The following AP4E1 variants were observed in gnomAD, a reference collection of about 807,000 sequenced individuals.
AP4E1 encodes AP-4 complex subunit epsilon-1.
In AP4E1, 56 loss-of-function variants were observed where a neutral mutation model predicts 128.2. The observed-to-expected ratio is 0.44, with a 90% CI of 0.35 to 0.55. AP4E1 has a LOEUF of 0.55. AP4E1 is among the 20% of genes least tolerant of loss of function. AP4E1 has a pLI of 0.00. For synonymous variants in AP4E1, 484 were observed against 473.1 expected, an observed-to-expected ratio of 1.02 and a Z score of -0.30; for missense variants, 1,324 against 1,307.7, an observed-to-expected ratio of 1.01 and a Z score of -0.19.
At position 50,949,938 on chromosome 15, in the gene AP4E1, G is replaced by C; in HGVS notation, c.1429G>C (p.Gly477Arg). ...PNNFLRLLAE[G>R]FDDETEDQQL... ...TAACTTTCTGAGACTACTAGCGGAAGGTTGGTACACTATTATATTCTGTAA... is the reference window on the plus strand; with the variant it reads ...TAACTTTCTGAGACTACTAGCGGAACGTTGGTACACTATTATATTCTGTAA... Residue 477 changes from glycine to arginine, a missense_variant and splice_region_variant, in exon 12 of 21, where the codon GGT becomes CGT. Physicochemically the swap from Gly to Arg is moderately radical, Grantham distance 125 (BLOSUM62 -2). Transcript: ENST00000261842. The C allele has an allele frequency of 6.2e-7, 1 of 1,608,354 alleles. No individual in the cohort carries two copies. Among genetic ancestry groups the C allele is most frequent in the Non-Finnish European group, 8.5e-7 (1 of 1,174,904 alleles).
intron 14 of AP4E1, among the ~76,000 whole-genome samples, chr15:50,964,533 C>CT (rs1208127836): frequency 6.7e-6 from 1 of 149,528 alleles, no homozygotes; most frequent in East Asian, 2.0e-4. Flanking sequence ...GGTTTTGTTT[C>CT]TTTGCTTTTT....
chr15:50,967,747 T>C (rs900056723), intron 14 of AP4E1, among the ~76,000 whole-genome samples: 4 of 152,220 alleles, frequency 2.6e-5, no homozygotes, highest in Non-Finnish European at 5.9e-5. Flanking sequence ...TGATTTATAT[T>C]GTTAGATTCT....
At chr15:50,968,402 A>G (rs778350164) in intron 15 of AP4E1, 25 bp downstream of exon 15, 2 of 1,524,896 alleles carry the variant, frequency 1.3e-6, no homozygotes, top group Admixed American at 1.7e-5. Flanking sequence ...ATTTATGATA[A>G]GCTAGAGTGT....
chr15:50,948,503 G>A (rs8029155), intron 11 of AP4E1, among the ~76,000 whole-genome samples: 64,832 of 151,858 alleles, frequency 0.43, 14,107 homozygotes, highest in East Asian at 0.59. Context: ...TTTGGGGAAA[G>A]TGGAGGGTGT....
At chr15:50,963,559 G>A (rs1034514046) in intron 14 of AP4E1, among the ~76,000 whole-genome samples, 5 of 152,184 alleles carry the variant, frequency 3.3e-5, no homozygotes, top group Non-Finnish European at 7.4e-5. Flanking sequence ...AAGAAGCTGG[G>A]AAGGGTCGGG....
At chr15:50,913,889 C>T (rs2063596064) in intron 2 of AP4E1, among the ~76,000 whole-genome samples, 1 of 152,202 alleles carries the variant, frequency 6.6e-6, no homozygotes, top group African/African-American at 2.4e-5. Context: ...TCTTGGCTCA[C>T]TGCAACCTCT....
At chr15:50,981,738 G>A (rs1438950550) in intron 15 of AP4E1, among the ~76,000 whole-genome samples, 2 of 152,138 alleles carry the variant, frequency 1.3e-5, no homozygotes, top group Non-Finnish European at 2.9e-5. Context: ...AGGTCACGAG[G>A]GCTCTGCCCT....
chr15:50,911,613 C>G (rs1269001079), intron 1 of AP4E1, among the ~76,000 whole-genome samples: 1 of 151,196 alleles, frequency 6.6e-6, no homozygotes, highest in Non-Finnish European at 1.5e-5. Flanking sequence ...CTCAGCCTCT[C>G]GAGTATCTGG....
At chr15:50,912,587 G>T (rs994068231) in intron 2 of AP4E1, among the ~76,000 whole-genome samples, 3 of 151,910 alleles carry the variant, frequency 2.0e-5, no homozygotes, top group African/African-American at 7.3e-5. Flanking sequence ...ACTATTTAAT[G>T]AATGGTCATT....
At chr15:50,993,913 C>T (rs1055140793) in intron 17 of AP4E1, among the ~76,000 whole-genome samples, 1 of 152,208 alleles carries the variant, frequency 6.6e-6, no homozygotes, top group Non-Finnish European at 1.5e-5. Flanking sequence ...CAGCCACTCT[C>T]ACCCCTGTGG....
intron 15 of AP4E1, among the ~76,000 whole-genome samples, chr15:50,975,330 G>T (rs537297080): frequency 3.5e-4 from 54 of 152,248 alleles, no homozygotes; most frequent in African/African-American, 1.3e-3. Flanking sequence ...ACTTGAACCC[G>T]GGAGGTGGAG....
intron 16 of AP4E1, among the ~76,000 whole-genome samples, chr15:50,990,343 A>T (rs1567260943): frequency 6.2e-5 from 5 of 80,348 alleles, no homozygotes; most frequent in Non-Finnish European, 1.1e-4. Context: ...TATTTATTTA[A>T]TTTATTATTA....
At chr15:50,964,755 T>G (rs951111475) in intron 14 of AP4E1, among the ~76,000 whole-genome samples, 3 of 152,194 alleles carry the variant, frequency 2.0e-5, no homozygotes, top group African/African-American at 7.2e-5. Flanking sequence ...CAGTGATGTC[T>G]GTGAGTTCCT....
rs1406373781 is a variant in AP4E1, at chr15:50,923,922, C to A, written c.347-9C>A. The A allele has an allele frequency of 6.2e-7, 1 of 1,608,238 alleles. No individual in the cohort carries two copies. On this transcript the variant is annotated splice_polypyrimidine_tract_variant and intron_variant, in intron 3 of 20. Coordinates refer to ENST00000261842, the MANE Select transcript of AP4E1 (RefSeq NM_007347.5). ...GTTAGTAATCAGACTTTTCCCTCAA[C>A]TTTTATAGGTTATTTGGCTGTTTCC...
intron 10 of AP4E1, chr15:50,945,468 T>G: frequency 1.3e-6 from 1 of 771,040 alleles, no homozygotes; most frequent in Non-Finnish European, 2.4e-6. Context: ...TTGATATGTG[T>G]GCACTGGACA....
At position 50,997,428 on chromosome 15, in the gene AP4E1, T is replaced by A; in HGVS notation, c.2449T>A (p.Ser817Thr). Residue 817 changes from serine (S) to threonine (T), a missense_variant, in exon 18 of 21, where the codon TCC (serine) becomes ACC (threonine). Transcript: ENST00000261842. The stretch of plus-strand genomic sequence containing the variant: ...CAGTACTCATAATATGACCTGTTCT[T>A]CCTTTAGTTCTTTGTCAAATGTGGC... Reference protein sequence around the residue: ...TTSTHNMTCSSFSSLSNVAYE... With the variant: ...TTSTHNMTCSTFSSLSNVAYE... The A allele has an allele frequency of 6.2e-7, 1 of 1,613,606 alleles. No individual in the cohort carries two copies. Among genetic ancestry groups the A allele is most frequent in the Non-Finnish European group, 8.5e-7 (1 of 1,179,762 alleles).
intron 15 of AP4E1, among the ~76,000 whole-genome samples, chr15:50,978,501 A>G (rs2064589293): frequency 6.6e-6 from 1 of 152,200 alleles, no homozygotes; most frequent in Admixed American, 6.5e-5. Flanking sequence ...ATGATAAATG[A>G]GTGTGCATAT....
intron 7 of AP4E1, among the ~76,000 whole-genome samples, chr15:50,933,906 G>A (rs1424951103): frequency 1.3e-5 from 2 of 151,134 alleles, no homozygotes; most frequent in African/African-American, 2.4e-5. Flanking sequence ...TCTTCTATTA[G>A]TGCTTTTTGA....
In AP4E1 at chr15:50,962,889, CAAAAAAA is replaced by C. The variant is rs71127168; in HGVS notation, c.1851+4116_1851+4122del. ...ATATATAAGGAACTCAATTCAACAG[CAAAAAAA>C]AAAAAAAAAAAAAAAAAAAATCCCA... On this transcript the variant is annotated intron_variant, in intron 14 of 20. Transcript: ENST00000261842. Among the ~76,000 whole-genome samples, 110 of 38,716 alleles carry C rather than the reference CAAAAAAA, an allele frequency of 2.8e-3. 1 individual carries two copies. Among genetic ancestry groups the C allele is most frequent in the African/African-American group, 5.5e-3 (48 of 8,730 alleles). The allele number at this position is 38,716 out of a possible 152,430, so 25.4% of individuals were successfully genotyped here. A position where few individuals can be genotyped will look rare whatever the true frequency, so the allele number is the denominator to read the frequency against.
Sources: allele counts gnomAD v4.1 joint callset (sites outside exome capture counted in the v4.1 genomes callset), GRCh38; gene constraint gnomAD v4.1.1; transcripts MANE v1.5; gene names NCBI Gene and HGNC (gene_info 2026-07-23, HGNC 2026-07-21).